Variants in ROBO2 observed in about 807,000 individuals in gnomAD.
ROBO2 encodes the protein roundabout guidance receptor 2.
Under a neutral mutation model 160.8 loss-of-function variants are expected in ROBO2, and 53 were observed. The observed-to-expected ratio is 0.33, with a 90% CI of 0.26 to 0.41. The LOEUF is 0.41. Among genes scored for constraint, ROBO2 ranks in the 10% least tolerant of loss-of-function variants. The pLI, the probability that ROBO2 is intolerant of heterozygous loss-of-function variation, is 1.00. For missense variants in ROBO2, 1,577 were observed against 1,722.4 expected, an observed-to-expected ratio of 0.92 and a Z score of 1.49; for synonymous variants, 664 against 611.7, an observed-to-expected ratio of 1.09 and a Z score of -1.26.
At chr3:76,997,899 A>G (rs1465128520) in intron 2 of ROBO2, among the ~76,000 whole-genome samples, 1 of 152,156 alleles carries the variant, frequency 6.6e-6, no homozygotes, top group African/African-American at 2.4e-5. Context: ...GGGAGGGCTT[A>G]GCTCAGCCCC....
At chr3:77,632,623 T>C (rs1283543105) in intron 23 of ROBO2, 6 of 1,535,678 alleles carry the variant, frequency 3.9e-6, no homozygotes, top group Non-Finnish European at 5.2e-6. Flanking sequence ...TAAAGCTGGT[T>C]TTAGGCTGGA....
At chr3:77,241,772 C>G (rs1361824945) in intron 2 of ROBO2, among the ~76,000 whole-genome samples, 1 of 152,160 alleles carries the variant, frequency 6.6e-6, no homozygotes, top group East Asian at 1.9e-4. Context: ...GCTTTTCCAG[C>G]ACTGCAGTAT....
chr3:76,647,884 A>G (rs758808737), intron 2 of ROBO2, among the ~76,000 whole-genome samples: 4 of 152,084 alleles, frequency 2.6e-5, no homozygotes, highest in Non-Finnish European at 5.9e-5. Flanking sequence ...AATCATAAAT[A>G]TTTTCAGAAT....
intron 2 of ROBO2, among the ~76,000 whole-genome samples, chr3:76,116,779 A>G (rs2070488398): frequency 6.6e-6 from 1 of 152,170 alleles, no homozygotes; most frequent in South Asian, 2.1e-4. Context: ...AGAAGTTTCC[A>G]CCAAGCTTTG....
At chr3:76,219,631 C>G (rs1032086570) in intron 2 of ROBO2, among the ~76,000 whole-genome samples, 1 of 152,144 alleles carries the variant, frequency 6.6e-6, no homozygotes, top group Non-Finnish European at 1.5e-5. Flanking sequence ...AGTGAGATAC[C>G]ATCTCACACC....
intron 2 of ROBO2, among the ~76,000 whole-genome samples, chr3:76,646,106 T>C (rs952938463): frequency 6.6e-6 from 1 of 152,122 alleles, no homozygotes; most frequent in African/African-American, 2.4e-5. Context: ...GGAAGAAGAA[T>C]GAGATGATCA....
intron 2 of ROBO2, among the ~76,000 whole-genome samples, chr3:76,909,617 G>A (rs2075840020): frequency 6.6e-6 from 1 of 152,150 alleles, no homozygotes; most frequent in Admixed American, 6.5e-5. Flanking sequence ...TCATTTCAGT[G>A]TCTGAAACTA....
intron 6 of ROBO2, among the ~76,000 whole-genome samples, chr3:77,527,078 T>C (rs1006691388): frequency 1.3e-5 from 2 of 151,408 alleles, no homozygotes; most frequent in African/African-American, 4.8e-5. Flanking sequence ...TTCATCAGGT[T>C]TTTAACTTTG....
At chr3:76,505,944 C>T (rs930676552) in intron 2 of ROBO2, among the ~76,000 whole-genome samples, 4 of 152,118 alleles carry the variant, frequency 2.6e-5, no homozygotes, top group African/African-American at 9.7e-5. Context: ...TTGTAGGTAA[C>T]ACCTTGGAGC....
chr3:77,191,261 T>A (rs2081819028), intron 2 of ROBO2, among the ~76,000 whole-genome samples: 1 of 152,140 alleles, frequency 6.6e-6, no homozygotes, highest in East Asian at 1.9e-4. Flanking sequence ...ATCGGTATTG[T>A]AAGTTTACCA....
intron 2 of ROBO2, among the ~76,000 whole-genome samples, chr3:76,141,671 G>A (rs2071675723): frequency 6.6e-6 from 1 of 151,872 alleles, no homozygotes; most frequent in Admixed American, 6.6e-5. Context: ...GGCTAAGTGA[G>A]GGCCTGAGTC....
chr3:77,574,991 T>A (rs1271244458), intron 14 of ROBO2, among the ~76,000 whole-genome samples: 2 of 152,142 alleles, frequency 1.3e-5, no homozygotes, highest in African/African-American at 4.8e-5. Context: ...TTATTAAATA[T>A]TCCCCTATAT....
chr3:77,229,758 G>A lies in ROBO2; in HGVS notation c.388+131418G>A, dbSNP rs903734540. ...GAGACCAGTGCTTGCTGCAGTCTGG[G>A]GCACCGCCATTCTCTCCCTGTGCTG... is the stretch of plus-strand genomic sequence containing the variant. On this transcript the variant is annotated intron_variant, in intron 2 of 25. Transcript: ENST00000461745. Among the ~76,000 whole-genome samples, 6 of 151,982 alleles carry A rather than the reference G, an allele frequency of 3.9e-5. No individual in the cohort carries two copies. The East Asian group carries it at 1.2e-3, about 29-fold the overall frequency.
chr3:75,967,634 A>C lies in ROBO2; in HGVS notation c.109+30032A>C, dbSNP rs574884258. Among the ~76,000 whole-genome samples the C allele has an allele frequency of 1.8e-4, 27 of 151,740 alleles. No individual in the cohort carries two copies. In the East Asian group the frequency reaches 2.9e-3, roughly 16 times the overall value. ...GATGGCAAAAAGTACCCAAGTAGAA[A>C]TAATACTGTTAGAAGGCATGGAGGA... On this transcript the variant is annotated intron_variant, in intron 2 of 26. Coordinates refer to the ROBO2 transcript ENST00000487694.
At chr3:76,019,298 T>C (rs1198579535) in intron 2 of ROBO2, among the ~76,000 whole-genome samples, 2 of 151,774 alleles carry the variant, frequency 1.3e-5, no homozygotes, top group Non-Finnish European at 2.9e-5. Context: ...TATCTGAGAA[T>C]ACTGTGTATT....
intron 2 of ROBO2, among the ~76,000 whole-genome samples, chr3:76,961,424 A>C (rs1291051460): frequency 6.6e-6 from 1 of 152,054 alleles, no homozygotes; most frequent in Non-Finnish European, 1.5e-5. Context: ...TTGTGGATCT[A>C]AGATATCACT....
exon 1 of ROBO2, chr3:75,906,919 C>T (rs2106678569): frequency 6.6e-6 from 1 of 152,446 alleles, no homozygotes; most frequent in East Asian, 1.9e-4. Flanking sequence ...GGCTGCTTCC[C>T]TGTCCCCCTG....
At chr3:76,358,147 G>A (rs949278564) in intron 2 of ROBO2, among the ~76,000 whole-genome samples, 22 of 152,016 alleles carry the variant, frequency 1.4e-4, no homozygotes, top group Admixed American at 5.9e-4. Flanking sequence ...AATAAACTAC[G>A]TTTATAAGCA....
intron 2 of ROBO2, among the ~76,000 whole-genome samples, chr3:76,288,139 A>T (rs1708619560): frequency 8.7e-6 from 1 of 115,086 alleles, no homozygotes; most frequent in Non-Finnish European, 1.6e-5. Context: ...TTTATAAGAT[A>T]TGAAAAAATT....
Sources: allele counts gnomAD v4.1 joint callset (sites outside exome capture counted in the v4.1 genomes callset), GRCh38; gene constraint gnomAD v4.1.1; transcripts MANE v1.5; gene names NCBI Gene and HGNC (gene_info 2026-07-23, HGNC 2026-07-21).